Variants in DOCK11 observed in about 807,000 individuals in gnomAD.
DOCK11 encodes the protein dedicator of cytokinesis protein 11.
DOCK11 carries 70 observed loss-of-function variants against 169.1 expected under a neutral mutation model. The observed-to-expected ratio is 0.41, with a 90% CI of 0.34 to 0.51. DOCK11 has a LOEUF of 0.51. Ranked by LOEUF, DOCK11 falls within the 20% of genes least tolerant of loss-of-function variation. The probability of loss-of-function intolerance (pLI) is 0.10; values close to 1 mark genes in which losing one functional copy is unlikely to be tolerated. For synonymous variants in DOCK11, 529 were observed against 541.3 expected, an observed-to-expected ratio of 0.98 and a Z score of 0.32; for missense variants, 1,166 against 1,538.8, an observed-to-expected ratio of 0.76 and a Z score of 4.05.
chrX:118,648,294 C>T (rs1264169854), intron 40 of DOCK11, among the ~76,000 whole-genome samples: 1 of 89,361 alleles, frequency 1.1e-5, no homozygotes, highest in Non-Finnish European at 2.1e-5. Context: ...ATTACTTTTG[C>T]ACCGCCATAA....
At chrX:118,654,555 A>C (rs370800888) in intron 42 of DOCK11, 47 bp from the exon 43 acceptor site, 4 of 1,142,720 alleles carry the variant, frequency 3.5e-6, no homozygotes, top group Non-Finnish European at 4.8e-6. Context: ...CTTAGAGCAC[A>C]TCGATATTGT....
chrX:118,666,516 C>T, intron 45 of DOCK11, among the ~76,000 whole-genome samples: 1 of 111,302 alleles, frequency 9.0e-6, no homozygotes, highest in East Asian at 2.8e-4. Flanking sequence ...TTTAATCTGG[C>T]TTCTCTTGTT....
intron 14 of DOCK11, among the ~76,000 whole-genome samples, chrX:118,582,467 C>T (rs2013679732): frequency 9.0e-6 from 1 of 111,228 alleles, no homozygotes; most frequent in African/African-American, 3.3e-5. Context: ...CTTTGATTTC[C>T]AGTTCTAATG....
chrX:118,625,283 T>C (rs892972735), intron 32 of DOCK11, among the ~76,000 whole-genome samples: 1 of 110,077 alleles, frequency 9.1e-6, no homozygotes, highest in Non-Finnish European at 1.9e-5. Context: ...GCCTCCTGAA[T>C]AGCTGGGACT....
intron 40 of DOCK11, among the ~76,000 whole-genome samples, chrX:118,648,495 T>C (rs1340724280): frequency 1.0e-5 from 1 of 96,130 alleles, no homozygotes; most frequent in Non-Finnish European, 2.0e-5. Flanking sequence ...TATATTATAT[T>C]GATATGTTAA....
At chrX:118,578,092 C>A (rs2013508744) in intron 12 of DOCK11, among the ~76,000 whole-genome samples, 1 of 112,254 alleles carries the variant, frequency 8.9e-6, no homozygotes, top group Non-Finnish European at 1.9e-5. Context: ...AAAGGAATGT[C>A]TTTTAGAGGA....
At chrX:118,604,623 G>A (rs1244307634) in intron 23 of DOCK11, among the ~76,000 whole-genome samples, 1 of 91,621 alleles carries the variant, frequency 1.1e-5, no homozygotes, top group East Asian at 4.1e-4. Context: ...AACTTTCACT[G>A]TTTGTATTAT....
At chrX:118,649,403 T>A in intron 41 of DOCK11, among the ~76,000 whole-genome samples, 1 of 112,912 alleles carries the variant, frequency 8.9e-6, no homozygotes, top group South Asian at 3.6e-4. Context: ...AATAAGTCTC[T>A]TTTTAGTGTG....
Position 118,580,140 on chromosome X carries a change from G to A in DOCK11, c.1556G>A (p.Arg519His), listed in dbSNP as rs144318856. ...AGGACAGCTAAACAAGTGTGTAGCC[G>A]CCTTGGACAATACAGAATGCCCTTC... ...VHRTAKQVCS[R>H]LGQYRMPFAW... Residue 519 changes from arginine to histidine, a missense_variant, in exon 14 of 53, where the codon CGC (arginine) becomes CAC (histidine). Physicochemically the swap from Arg to His is conservative, Grantham distance 29. Coordinates refer to ENST00000276202, the MANE Select transcript of DOCK11 (RefSeq NM_144658.4). The A allele has an allele frequency of 8.3e-6, 10 of 1,207,155 alleles. No individual in the cohort carries two copies. The highest frequency in any genetic ancestry group is 3.5e-5 in the South Asian group (2 of 56,364).
intron 1 of DOCK11, among the ~76,000 whole-genome samples, chrX:118,512,373 A>G (rs944723551): frequency 4.5e-5 from 5 of 112,022 alleles, no homozygotes; most frequent in Non-Finnish European, 9.4e-5. Flanking sequence ...AATATTAACA[A>G]TATTTAATGA....
chrX:118,516,532 C>G, intron 1 of DOCK11, among the ~76,000 whole-genome samples: 1 of 109,112 alleles, frequency 9.2e-6, no homozygotes, highest in Non-Finnish European at 1.9e-5. Context: ...TCCTTCTCCC[C>G]CTGAGTTCAA....
intron 31 of DOCK11, among the ~76,000 whole-genome samples, chrX:118,621,139 C>T (rs947126263): frequency 8.9e-6 from 1 of 112,685 alleles, no homozygotes; most frequent in African/African-American, 3.2e-5. Context: ...AGCCTTATTA[C>T]TCTTTCAATG....
At chrX:118,638,197 A>G (rs992390531) in intron 37 of DOCK11, 70 bp downstream of exon 37, 2 of 1,012,637 alleles carry the variant, frequency 2.0e-6, no homozygotes, top group East Asian at 3.1e-5. Context: ...TAGTCATGCC[A>G]TGTAAAACCT....
intron 28 of DOCK11, among the ~76,000 whole-genome samples, chrX:118,611,365 T>C (rs1159508494): frequency 8.9e-6 from 1 of 112,492 alleles, no homozygotes; most frequent in Non-Finnish European, 1.9e-5. Context: ...AAGTGTTGCT[T>C]GTTGTACACA....
intron 1 of DOCK11, among the ~76,000 whole-genome samples, chrX:118,497,711 A>C (rs189302682): frequency 3.6e-5 from 4 of 112,059 alleles, no homozygotes; most frequent in Admixed American, 2.8e-4. Context: ...TCTACCTAGC[A>C]GAGAACGCTT....
chrX:118,551,744 C>T (rs1344615437), intron 6 of DOCK11, among the ~76,000 whole-genome samples: 2 of 111,057 alleles, frequency 1.8e-5, no homozygotes, highest in African/African-American at 3.3e-5. Flanking sequence ...TGAAATTATG[C>T]GCAACTTTAA....
intron 13 of DOCK11, 21 bp downstream of exon 13, chrX:118,578,668 A>G (rs2013530321): frequency 1.7e-6 from 2 of 1,184,150 alleles, no homozygotes; most frequent in African/African-American, 1.8e-5. Context: ...AAGGTTGTTG[A>G]TCAACATTTC....
At chrX:118,596,486 A>G (rs2147435912) in intron 20 of DOCK11, among the ~76,000 whole-genome samples, 1 of 112,533 alleles carries the variant, frequency 8.9e-6, no homozygotes, top group South Asian at 3.6e-4. Context: ...CAGAGTCACA[A>G]ATAATTTTAA....
intron 1 of DOCK11, among the ~76,000 whole-genome samples, chrX:118,532,076 TA>T (rs1313826340): frequency 9.3e-6 from 1 of 107,453 alleles, no homozygotes; most frequent in Non-Finnish European, 1.9e-5. Context: ...AGATTATAGA[TA>T]GGGGCAGGCT....
Sources: allele counts gnomAD v4.1 joint callset (sites outside exome capture counted in the v4.1 genomes callset), GRCh38; gene constraint gnomAD v4.1.1; transcripts MANE v1.5; gene names NCBI Gene and HGNC (gene_info 2026-07-23, HGNC 2026-07-21).